The following CDK12 variants were observed in gnomAD, a reference collection of about 807,000 sequenced individuals.
The protein encoded by CDK12 is cyclin dependent kinase 12.
CDK12 carries 17 observed loss-of-function variants against 133.8 expected under a neutral mutation model. The ratio of observed to expected loss-of-function variants is 0.13; its 90% confidence interval spans 0.09 to 0.19. The LOEUF is 0.19. Among genes scored for constraint, CDK12 ranks in the 10% least tolerant of loss-of-function variants. The probability of loss-of-function intolerance (pLI) is 1.00; values close to 1 mark genes in which losing one functional copy is unlikely to be tolerated. For synonymous variants in CDK12, 694 were observed against 683.6 expected, an observed-to-expected ratio of 1.02 and a Z score of -0.24; for missense variants, 1,508 against 1,818.7, an observed-to-expected ratio of 0.83 and a Z score of 3.11.
At chr17:39,463,490 T>C (rs1406618993) in intron 1 of CDK12, among the ~76,000 whole-genome samples, 3 of 152,158 alleles carry the variant, frequency 2.0e-5, no homozygotes, top group Non-Finnish European at 4.4e-5. Context: ...ATTTGTGCTT[T>C]AGACTCTATG....
chr17:39,527,208 A>T (rs1245269883), intron 13 of CDK12, among the ~76,000 whole-genome samples: 1 of 152,246 alleles, frequency 6.6e-6, no homozygotes, highest in Non-Finnish European at 1.5e-5. Context: ...TTCACATTTC[A>T]TATGAGGTGG....
intron 2 of CDK12, among the ~76,000 whole-genome samples, chr17:39,481,672 C>CA (rs2050699052): frequency 7.8e-5 from 1 of 12,814 alleles, no homozygotes; most frequent in African/African-American, 1.5e-4. Flanking sequence ...CTCTCTCTCT[C>CA]TCTCTCTCTC....
rs186043011 is a variant in CDK12 at position 39,531,224 on chromosome 17, G to T, written c.4381G>T (p.Gly1461Cys). The T allele has an allele frequency of 8.5e-5, 129 of 1,516,352 alleles. No individual in the cohort carries two copies. Among genetic ancestry groups the T allele is most frequent in the Admixed American group, 5.3e-4 (23 of 43,554 alleles). The allele number at this position is 1,516,352 out of a possible 1,614,324, so 93.9% of individuals were successfully genotyped here. ...CTCAGGAGCAGGCCTTCACTGGGGG[G>T]GCCCAACTCAGTCTTCTGCTTATGG... ...SSSGAGLHWG[G>C]PTQSSAYGKL... The change falls in exon 14 of 14, where the codon GGC becomes TGC. Residue 1461 changes from glycine to cysteine, a missense_variant. Around this residue, in one of 9 missense-constraint regions of CDK12, gnomAD observed 114 missense variants for 101.2 expected, o/e 1.13. Transcript: ENST00000447079.
intron 2 of CDK12, among the ~76,000 whole-genome samples, chr17:39,480,891 T>G (rs914759461): frequency 6.6e-6 from 1 of 152,204 alleles, no homozygotes; most frequent in Non-Finnish European, 1.5e-5. Context: ...TAGTACAATC[T>G]ACATGACCAT....
At chr17:39,542,615 A>G (rs989715936) in intron 1 of CDK12, among the ~76,000 whole-genome samples, 2 of 151,090 alleles carry the variant, frequency 1.3e-5, no homozygotes, top group Non-Finnish European at 2.9e-5. Context: ...GGTTTGAGCA[A>G]CTCTCCTGCC....
intron 2 of CDK12, among the ~76,000 whole-genome samples, chr17:39,489,506 AT>A (rs113848178): frequency 2.2e-3 from 296 of 132,896 alleles, no homozygotes; most frequent in Middle Eastern, 4.5e-3. Context: ...GCCTGTTCTA[AT>A]TTTTTTTTTT....
chr17:39,527,156 G>T (rs1181490514), intron 13 of CDK12, among the ~76,000 whole-genome samples: 1 of 152,210 alleles, frequency 6.6e-6, no homozygotes, highest in Non-Finnish European at 1.5e-5. Flanking sequence ...AGAGGCTCGA[G>T]GGCTGAAGAG....
chr17:39,481,253 CAA>C (rs1207247004), intron 2 of CDK12, among the ~76,000 whole-genome samples: 1 of 59,650 alleles, frequency 1.7e-5, no homozygotes. Flanking sequence ...AACTCCGTCT[CAA>C]AAAAAAAAAG....
upstream of CDK12, chr17:39,546,579 C>T (rs1314135967): frequency 6.6e-6 from 1 of 152,226 alleles, no homozygotes; most frequent in African/African-American, 2.4e-5. Flanking sequence ...TCTGTCCCTT[C>T]TCACTACCTC....
intron 3 of CDK12, among the ~76,000 whole-genome samples, chr17:39,559,684 G>T (rs2056296289): frequency 6.6e-6 from 1 of 151,876 alleles, no homozygotes; most frequent in Non-Finnish European, 1.5e-5. Flanking sequence ...TGAAAGCCTG[G>T]GCTTATTAGC....
intron 6 of CDK12, among the ~76,000 whole-genome samples, chr17:39,503,325 G>A (rs1020994674): frequency 2.6e-5 from 4 of 152,086 alleles, no homozygotes; most frequent in Admixed American, 1.3e-4. Flanking sequence ...TGCCCCACTT[G>A]GCCTCCCAAA....
intron 11 of CDK12, among the ~76,000 whole-genome samples, chr17:39,524,306 G>GCC (rs1216836503): frequency 1.3e-5 from 2 of 152,188 alleles, no homozygotes; most frequent in Non-Finnish European, 2.9e-5. Flanking sequence ...ACATTAACAA[G>GCC]CCAGCCATTA....
rs1046733684 is a variant in CDK12 at position 39,532,763 on chromosome 17, C to T, written c.*1447C>T. 7 of 232,528 alleles carry T rather than the reference C, an allele frequency of 3.0e-5. No individual in the cohort carries two copies. The highest frequency in any genetic ancestry group is 5.9e-5 in the Non-Finnish European group (7 of 117,710). The allele number at this position is 232,528 out of a possible 1,614,324, so 14.4% of individuals were successfully genotyped here. A position where few individuals can be genotyped will look rare whatever the true frequency, so the allele number is the denominator to read the frequency against. The stretch of plus-strand genomic sequence containing the variant: ...ATTGTGCTTCCAGGCAAGAACTTTG[C>T]CTTATCATAAACAGGAAATGAAAAA... On this transcript the variant is annotated 3_prime_UTR_variant, in exon 14 of 14. Coordinates refer to ENST00000447079, the MANE Select transcript of CDK12 (RefSeq NM_016507.4).
chr17:39,495,749 C>T (rs1182362805), intron 5 of CDK12, among the ~76,000 whole-genome samples: 1 of 147,752 alleles, frequency 6.8e-6, no homozygotes, highest in East Asian at 2.0e-4. Context: ...GAGCCAAGAT[C>T]GTGCCACTGC....
chr17:39,487,232 A>G (rs946109371), intron 2 of CDK12, among the ~76,000 whole-genome samples: 2 of 152,192 alleles, frequency 1.3e-5, no homozygotes, highest in African/African-American at 2.4e-5. Context: ...TGTCTGATTT[A>G]CAAGGGATTA....
rs2146137388 is a variant in CDK12, at chr17:39,501,254, C to T, written c.2424C>T (p.Ala808=). 6.5e-7 allele frequency: 1 copy of T among 1,536,554 alleles called. No individual in the cohort carries two copies. Among genetic ancestry groups the T allele is most frequent in the Non-Finnish European group, 8.7e-7 (1 of 1,147,574 alleles). The part of the protein sequence containing the change: ...DALDFKKDKG[A]FYLVFEYMDH... ...TTTTTTTTCGTCTTTATGTAGGTGCCTTTTACCTTGTATTTGAGTATATGG... is the reference window on the plus strand; with the variant it reads ...TTTTTTTTCGTCTTTATGTAGGTGCTTTTTACCTTGTATTTGAGTATATGG... The change falls in exon 6 of 14, where the codon GCC becomes GCT. Residue 808 remains alanine (A), a synonymous_variant. Transcript: ENST00000447079.
intron 11 of CDK12, among the ~76,000 whole-genome samples, chr17:39,523,014 G>T (rs2054277690): frequency 1.3e-5 from 2 of 151,822 alleles, no homozygotes; most frequent in African/African-American, 4.8e-5. Flanking sequence ...GATTGTGCCA[G>T]TGCATTCCTG....
At chr17:39,464,921 C>T (rs915511286) in intron 1 of CDK12, among the ~76,000 whole-genome samples, 17 of 150,404 alleles carry the variant, frequency 1.1e-4, no homozygotes, top group African/African-American at 4.2e-4. Flanking sequence ...CACTGCACTC[C>T]AGCCTGAGCA....
chr17:39,501,052 A>G (rs1301201235), intron 5 of CDK12, among the ~76,000 whole-genome samples, 198 bp from the exon 6 acceptor site: 1 of 152,104 alleles, frequency 6.6e-6, no homozygotes, highest in East Asian at 1.9e-4. Context: ...GATTAATTCA[A>G]ATATTAGCTC....
Sources: gnomAD v4.1 joint callset for allele counts (sites outside exome capture counted in the v4.1 genomes callset) on GRCh38, gnomAD v4.1.1 for gene constraint, gnomAD v4.1.1 regional missense constraint, MANE v1.5 for transcripts, NCBI Gene and HGNC (gene_info 2026-07-23, HGNC 2026-07-21) for gene names.